Variants in MACROD2 observed in about 807,000 individuals in gnomAD.
The protein encoded by MACROD2 is mono-ADP ribosylhydrolase 2, also known as ADP-ribose glycohydrolase MACROD2.
In MACROD2, 36 loss-of-function variants were observed where a neutral mutation model predicts 70.4. The ratio of observed to expected loss-of-function variants is 0.51; its 90% CI spans 0.39 to 0.68. The LOEUF (loss-of-function observed/expected upper bound fraction) is 0.68. Among genes scored for constraint, MACROD2 ranks in the 30% least tolerant of loss-of-function variants. The pLI is 0.00. For synonymous variants in MACROD2, 172 were observed against 178.8 expected, an observed-to-expected ratio of 0.96 and a Z score of 0.30; for missense variants, 496 against 538.4, an observed-to-expected ratio of 0.92 and a Z score of 0.78.
intron 8 of MACROD2, among the ~76,000 whole-genome samples, chr20:15,574,943 G>A (rs764265104): frequency 4.6e-5 from 7 of 152,084 alleles, no homozygotes; most frequent in Non-Finnish European, 1.0e-4. Context: ...AGGTATAAAT[G>A]TTCCTCTCCT....
intron 6 of MACROD2, among the ~76,000 whole-genome samples, chr20:15,418,515 G>C (rs2046185511): frequency 6.6e-6 from 1 of 152,162 alleles, no homozygotes; most frequent in African/African-American, 2.4e-5. Context: ...ATTTCTCTCT[G>C]AGACCGTCTG....
At chr20:14,601,246 G>C (rs920568684) in intron 4 of MACROD2, among the ~76,000 whole-genome samples, 4 of 152,136 alleles carry the variant, frequency 2.6e-5, no homozygotes, top group African/African-American at 9.7e-5. Context: ...TGGTGTTTGG[G>C]AGTGGGAGAT....
At chr20:15,357,150 T>A (rs2078297413) in intron 6 of MACROD2, among the ~76,000 whole-genome samples, 1 of 152,322 alleles carries the variant, frequency 6.6e-6, no homozygotes, top group East Asian at 1.9e-4. Context: ...ATTCTAGTTT[T>A]ATCGTTATCC....
chr20:15,934,624 A>C (rs576063092), intron 11 of MACROD2, among the ~76,000 whole-genome samples: 223 of 152,074 alleles, frequency 1.5e-3, no homozygotes, highest in African/African-American at 4.7e-3. Context: ...GTGACTGTTG[A>C]GGTTTCAAAG....
intron 8 of MACROD2, among the ~76,000 whole-genome samples, chr20:15,528,359 TCCTGA>T (rs1268312640): frequency 6.6e-6 from 1 of 152,204 alleles, no homozygotes; most frequent in Non-Finnish European, 1.5e-5. Context: ...CCTCTTGAAC[TCCTGA>T]CCTGCCTTGG....
chr20:14,651,910 CTTGTTT>C (rs1985699334), intron 4 of MACROD2, among the ~76,000 whole-genome samples: 1 of 151,972 alleles, frequency 6.6e-6, no homozygotes. Context: ...GCCTCTGTTT[CTTGTTT>C]ATTTAGAGAG....
chr20:15,308,023 C>G (rs959170914), intron 6 of MACROD2, among the ~76,000 whole-genome samples: 1 of 152,058 alleles, frequency 6.6e-6, no homozygotes. Flanking sequence ...TTGTGTCCAT[C>G]TTGGTATATG....
chr20:15,372,053 A>G (rs1285288009), intron 6 of MACROD2, among the ~76,000 whole-genome samples: 2 of 152,208 alleles, frequency 1.3e-5, no homozygotes, highest in African/African-American at 2.4e-5. Flanking sequence ...GAACACGTAT[A>G]GTTTCTAGTT....
At position 15,984,341 on chromosome 20, in the gene MACROD2, A is replaced by C. The variant is rs542862841; in HGVS notation, c.986-2386A>C. 3.3e-5 allele frequency among the ~76,000 whole-genome samples: 5 copies of C among 152,226 alleles called. No individual in the cohort carries two copies. The East Asian group carries it at 9.6e-4, about 29-fold the overall frequency. Reference sequence around the variant, plus strand: ...ACTTTTAATGTAGGTAAAAATCCACATTTTTATGTCCCTTTATAATTTTTT... The same window carrying C: ...ACTTTTAATGTAGGTAAAAATCCACCTTTTTATGTCCCTTTATAATTTTTT... On this transcript the variant is annotated intron_variant, in intron 13 of 17. Coordinates refer to ENST00000684519, the MANE Select transcript of MACROD2 (RefSeq NM_001351661.2).
At chr20:15,149,296 G>C (rs952475498) in intron 5 of MACROD2, among the ~76,000 whole-genome samples, 1 of 152,076 alleles carries the variant, frequency 6.6e-6, no homozygotes, top group African/African-American at 2.4e-5. Context: ...AGGTGGGCTA[G>C]TGGCTTGTAC....
At chr20:14,503,033 C>T (rs757661623) in intron 4 of MACROD2, among the ~76,000 whole-genome samples, 1 of 152,122 alleles carries the variant, frequency 6.6e-6, no homozygotes, top group Non-Finnish European at 1.5e-5. Flanking sequence ...ATGTAGTCTT[C>T]AGGACAGGAC....
intron 5 of MACROD2, among the ~76,000 whole-genome samples, chr20:15,022,033 A>G (rs1391438007): frequency 3.3e-5 from 5 of 152,210 alleles, no homozygotes; most frequent in Non-Finnish European, 7.3e-5. Flanking sequence ...ACATACATTT[A>G]TGTGCCTATA....
chr20:14,054,574 GTTTTT>G (rs2053611749), intron 2 of MACROD2, among the ~76,000 whole-genome samples: 1 of 152,122 alleles, frequency 6.6e-6, no homozygotes, highest in African/African-American at 2.4e-5. Context: ...AAGGTTTGAA[GTTTTT>G]AAACTTTAAA....
At chr20:15,296,223 G>C (rs904002005) in intron 6 of MACROD2, among the ~76,000 whole-genome samples, 4 of 152,094 alleles carry the variant, frequency 2.6e-5, no homozygotes, top group African/African-American at 7.2e-5. Flanking sequence ...TTATACCATA[G>C]AGCCAGCAAA....
intron 5 of MACROD2, among the ~76,000 whole-genome samples, chr20:15,131,091 G>A (rs1281797447): frequency 6.6e-6 from 1 of 152,044 alleles, no homozygotes; most frequent in Non-Finnish European, 1.5e-5. Flanking sequence ...CTAAATCTCA[G>A]CTAAGGTAAG....
At chr20:14,464,616 A>G (rs1002121325) in intron 3 of MACROD2, among the ~76,000 whole-genome samples, 1 of 151,438 alleles carries the variant, frequency 6.6e-6, no homozygotes, top group Non-Finnish European at 1.5e-5. Context: ...AGTTCTTTTA[A>G]TTGTGATGTT....
chr20:14,491,384 TCAAA>T (rs2123101003), intron 3 of MACROD2, among the ~76,000 whole-genome samples: 2 of 152,326 alleles, frequency 1.3e-5, no homozygotes, highest in African/African-American at 4.8e-5. Flanking sequence ...TTGAATATGA[TCAAA>T]CAGTTTAAAT....
chr20:14,396,479 TATC>T (rs2083580477), intron 3 of MACROD2, among the ~76,000 whole-genome samples: 1 of 152,206 alleles, frequency 6.6e-6, no homozygotes, highest in South Asian at 2.1e-4. Flanking sequence ...TTCTTGGTAA[TATC>T]ATTTTCTCTG....
chr20:15,602,790 G>A (rs998240250), intron 8 of MACROD2, among the ~76,000 whole-genome samples: 1 of 152,202 alleles, frequency 6.6e-6, no homozygotes, highest in Non-Finnish European at 1.5e-5. Flanking sequence ...ATATGCATAA[G>A]ATATTTCCTT....
Sources: gnomAD v4.1 joint callset for allele counts (sites outside exome capture counted in the v4.1 genomes callset) on GRCh38, gnomAD v4.1.1 for gene constraint, MANE v1.5 for transcripts, NCBI Gene and HGNC (gene_info 2026-07-23, HGNC 2026-07-21) for gene names.